Variants in THSD7A observed in about 807,000 individuals in gnomAD.
The protein encoded by THSD7A is thrombospondin type-1 domain-containing protein 7A.
Under a neutral mutation model 231.3 loss-of-function variants are expected in THSD7A, and 96 were observed. That is an observed-to-expected ratio of 0.41 (90% CI 0.35 to 0.49). THSD7A has a LOEUF of 0.49. Ranked by LOEUF, THSD7A falls within the 20% of genes least tolerant of loss-of-function variation. The pLI, the probability that THSD7A is intolerant of heterozygous loss-of-function variation, is 0.05. For missense variants in THSD7A, 2,290 were observed against 2,070.2 expected (o/e 1.11, Z -2.06); for synonymous variants, 940 against 743.3 (o/e 1.26, Z -4.30).
intron 4 of THSD7A, among the ~76,000 whole-genome samples, chr7:11,589,340 C>G (rs1780058330): frequency 6.6e-6 from 1 of 152,060 alleles, no homozygotes. Context: ...TTTTGCTTTT[C>G]TTTAGCATTG....
At chr7:11,739,795 T>G (rs1782044668) in intron 1 of THSD7A, among the ~76,000 whole-genome samples, 1 of 151,930 alleles carries the variant, frequency 6.6e-6, no homozygotes, top group African/African-American at 2.4e-5. Context: ...CGTACCCTGC[T>G]TTCCCCAGAA....
In THSD7A at chr7:11,636,086, C is replaced by T. The variant is rs1781831503; in HGVS notation, c.1022+44G>A. ...CCGGATATCTTAGGTACTCATGATTCTTGACAGACAAGCCTGTGTAGTTAA... is the reference window on the plus strand; with the variant it reads ...CCGGATATCTTAGGTACTCATGATTTTTGACAGACAAGCCTGTGTAGTTAA... On this transcript the variant is annotated intron_variant, in intron 2 of 27. Transcript: ENST00000423059. The surrounding 1 kb of genome is among the most constrained non-coding windows in gnomAD (Gnocchi z 10.0). 1 of 1,535,280 alleles carries T rather than the reference C, an allele frequency of 6.5e-7. No homozygotes were observed. The highest frequency in any genetic ancestry group is 2.3e-5 in the East Asian group (1 of 44,326).
At chr7:11,748,379 G>T (rs188368698) in intron 1 of THSD7A, among the ~76,000 whole-genome samples, 8 of 152,072 alleles carry the variant, frequency 5.3e-5, no homozygotes, top group Admixed American at 3.3e-4. Context: ...TAGGCGATTG[G>T]AGATAAAACC....
chr7:11,373,749 C>T lies in THSD7A; in HGVS notation c.*2045G>A, dbSNP rs193015452. The T allele has an allele frequency of 1.3e-5, 2 of 152,032 alleles. No individual in the cohort carries two copies. Among genetic ancestry groups the T allele is most frequent in the African/African-American group, 4.8e-5 (2 of 41,504 alleles). 9.4% of individuals were successfully genotyped at this position (152,032 alleles called of 1,614,324 possible). A position where few individuals can be genotyped will look rare whatever the true frequency, so the allele number is the denominator to read the frequency against. ...ATGAACAGCAGGGGGAGTTCATACTCCAGTATGAAGGTAAAAATACCTTCT... is the reference window on the plus strand; with the variant it reads ...ATGAACAGCAGGGGGAGTTCATACTTCAGTATGAAGGTAAAAATACCTTCT... On this transcript the variant is annotated 3_prime_UTR_variant, in exon 28 of 28. Transcript: ENST00000423059.
chr7:11,406,145 G>A lies in THSD7A; in HGVS notation c.4237+155C>T, dbSNP rs1324814606. Among the ~76,000 whole-genome samples the A allele has an allele frequency of 7.2e-5, 11 of 152,232 alleles. No homozygotes were observed. The highest frequency in any genetic ancestry group is 2.1e-4 in the South Asian group (1 of 4,814). On this transcript the variant is annotated intron_variant, in intron 22 of 27. Transcript: ENST00000423059. The surrounding 1 kb of genome is among the most constrained non-coding windows in gnomAD (Gnocchi z 4.7). ...CCTGGCAGTAATGAGACAGCGTCCCGTTCCCCACAGGCATAGTGTTGAGCT... is the reference window on the plus strand; with the variant it reads ...CCTGGCAGTAATGAGACAGCGTCCCATTCCCCACAGGCATAGTGTTGAGCT...
At position 11,814,938 on chromosome 7, in the gene THSD7A, C is replaced by G. The variant is rs1445379000; in HGVS notation, c.190+16819G>C. ...AGATGCCTTAATCCTGATTACTCCTCTCTCCACAGGGCCCATGAACTAATG... is the reference window on the plus strand; with the variant it reads ...AGATGCCTTAATCCTGATTACTCCTGTCTCCACAGGGCCCATGAACTAATG... On this transcript the variant is annotated intron_variant, in intron 1 of 27. Coordinates refer to ENST00000423059, the MANE Select transcript of THSD7A (RefSeq NM_015204.3). This position sits in a 1 kb window ranked among gnomAD's most constrained non-coding sequence, Gnocchi z 5.1. 1.3e-5 allele frequency among the ~76,000 whole-genome samples: 2 copies of G among 152,054 alleles called. No individual in the cohort carries two copies. The highest frequency in any genetic ancestry group is 2.9e-5 in the Non-Finnish European group (2 of 68,022).
intron 4 of THSD7A, among the ~76,000 whole-genome samples, chr7:11,578,928 A>G (rs1562738525): frequency 1.3e-5 from 2 of 152,212 alleles, no homozygotes; most frequent in Non-Finnish European, 2.9e-5. Flanking sequence ...TAAAATTGTG[A>G]AGAGGTACAA....
chr7:11,392,536 A>G (rs1783023674), intron 23 of THSD7A, among the ~76,000 whole-genome samples: 1 of 151,950 alleles, frequency 6.6e-6, no homozygotes, highest in South Asian at 2.1e-4. Context: ...GGACCGAACT[A>G]TTCACTCCCC....
chr7:11,502,212 T>C (rs1403505866), intron 6 of THSD7A, among the ~76,000 whole-genome samples: 1 of 152,146 alleles, frequency 6.6e-6, no homozygotes, highest in African/African-American at 2.4e-5. Context: ...ACCAGATGTA[T>C]AAAGAGCTGG....
At chr7:11,770,100 G>A (rs935558868) in intron 1 of THSD7A, among the ~76,000 whole-genome samples, 4 of 151,794 alleles carry the variant, frequency 2.6e-5, no homozygotes, top group African/African-American at 9.7e-5. Context: ...TATGTAACCA[G>A]AGCATAAAAA....
intron 1 of THSD7A, among the ~76,000 whole-genome samples, chr7:11,816,308 A>C (rs1251934511): frequency 6.6e-6 from 1 of 152,206 alleles, no homozygotes; most frequent in East Asian, 1.9e-4. Context: ...CTGTGAATGG[A>C]GTCCCCTAAA....
chr7:11,709,796 G>A (rs1780890624), intron 1 of THSD7A, among the ~76,000 whole-genome samples: 1 of 150,800 alleles, frequency 6.6e-6, no homozygotes, highest in African/African-American at 2.4e-5. Flanking sequence ...AATACAGCAA[G>A]TTTGTTTGTC....
chr7:11,593,567 C>T, intron 2 of THSD7A, 65 bp from the exon 3 acceptor site: 1 of 1,549,162 alleles, frequency 6.5e-7, no homozygotes, highest in Non-Finnish European at 8.7e-7. Flanking sequence ...GTCTTCTACG[C>T]TCAAGAGTGA....
At chr7:11,618,288 T>C (rs1781176162) in intron 2 of THSD7A, among the ~76,000 whole-genome samples, 1 of 152,208 alleles carries the variant, frequency 6.6e-6, no homozygotes, top group Admixed American at 6.5e-5. Context: ...AAGATGCAGA[T>C]GTATATTGTA....
chr7:11,654,061 A>G (rs10247831), intron 1 of THSD7A, among the ~76,000 whole-genome samples: 95,103 of 151,634 alleles, frequency 0.63, 30,547 homozygotes, highest in African/African-American at 0.77. Flanking sequence ...AGGAACTCAA[A>G]GTTGAGAGAT....
chr7:11,738,706 G>A (rs1250151220), intron 1 of THSD7A, among the ~76,000 whole-genome samples: 1 of 151,966 alleles, frequency 6.6e-6, no homozygotes, highest in Non-Finnish European at 1.5e-5. Flanking sequence ...GTCAGACAGG[G>A]AGATTTGAAG....
intron 2 of THSD7A, among the ~76,000 whole-genome samples, chr7:11,596,295 G>A (rs548046140): frequency 6.6e-6 from 1 of 152,198 alleles, no homozygotes; most frequent in African/African-American, 2.4e-5. Flanking sequence ...CTGGCTCGGA[G>A]CTGACATTGA....
Position 11,572,601 on chromosome 7 carries a change from T to C in THSD7A, c.1453+17859A>G, listed in dbSNP as rs951833551. Among the ~76,000 whole-genome samples, 6 of 152,178 alleles carry C rather than the reference T, an allele frequency of 3.9e-5. 2 individuals are homozygous for C. The highest frequency in any genetic ancestry group is 6.5e-5 in the Admixed American group (1 of 15,276). On this transcript the variant is annotated intron_variant, in intron 4 of 27. Transcript: ENST00000423059. ...ATAGCTCACTGAAGCCTCAACCTCC[T>C]AGGCTCAGTGATCCTCCCACCTCAG...
At chr7:11,496,913 C>A (rs1424568773) in intron 6 of THSD7A, among the ~76,000 whole-genome samples, 1 of 152,122 alleles carries the variant, frequency 6.6e-6, no homozygotes, top group Non-Finnish European at 1.5e-5. Flanking sequence ...TTTATTAGAG[C>A]AGACAATATA....
Sources: gnomAD v4.1 joint callset for allele counts (sites outside exome capture counted in the v4.1 genomes callset) on GRCh38, gnomAD v4.1.1 for gene constraint, Gnocchi (gnomAD v3.1) non-coding constraint, MANE v1.5 for transcripts, NCBI Gene and HGNC (gene_info 2026-07-23, HGNC 2026-07-21) for gene names.